Variants in DLGAP2 observed in about 807,000 individuals in gnomAD.
The protein encoded by DLGAP2 is disks large-associated protein 2.
A neutral mutation model predicts 100.3 loss-of-function variants in DLGAP2; 26 were observed. The observed-to-expected ratio is 0.26, with a 90% CI of 0.19 to 0.36. DLGAP2 has a LOEUF of 0.36. Among genes scored for constraint, DLGAP2 ranks in the 10% least tolerant of loss-of-function variants. The pLI is 1.00. For missense variants in DLGAP2, 1,858 were observed against 1,453.2 expected (o/e 1.28, Z -4.53); for synonymous variants, 886 against 630.1 (o/e 1.41, Z -6.08).
rs529979757 is a variant in DLGAP2 at position 1,089,565 on chromosome 8, G to A, written c.74-169286G>A. ...GGCACCCTCCCTCCTTGCCATGCAG[G>A]CTGAGAGCACTGAGGCCCACTGCTC... On this transcript the variant is annotated intron_variant, in intron 2 of 14. Transcript: ENST00000637795. Among the ~76,000 whole-genome samples, 38 of 152,324 alleles carry A rather than the reference G, an allele frequency of 2.5e-4. No homozygotes were observed. In the South Asian group the frequency reaches 4.1e-3, roughly 17 times the overall value.
chr8:1,198,109 CGTGTGTGCGTGTGT>C (rs1797793594), intron 2 of DLGAP2, among the ~76,000 whole-genome samples: 1 of 146,688 alleles, frequency 6.8e-6, no homozygotes, highest in African/African-American at 2.7e-5. Flanking sequence ...TGTGTGTGTA[CGTGTGTGCGTGTGT>C]GCGTGTGGGT....
At chr8:821,507 A>G (rs908194690) in intron 1 of DLGAP2, among the ~76,000 whole-genome samples, 2 of 152,220 alleles carry the variant, frequency 1.3e-5, no homozygotes, top group Non-Finnish European at 2.9e-5. Flanking sequence ...ATGAGCTGGG[A>G]ATTTTGTAAT....
intron 6 of DLGAP2, among the ~76,000 whole-genome samples, chr8:1,588,850 A>C (rs755622793): frequency 5.3e-5 from 8 of 150,838 alleles, no homozygotes; most frequent in Non-Finnish European, 8.8e-5. Flanking sequence ...TGACCCCGGG[A>C]GGTGGAGGTT....
At chr8:745,368 A>G (rs1820592168) in intron 1 of DLGAP2, among the ~76,000 whole-genome samples, 1 of 152,240 alleles carries the variant, frequency 6.6e-6, no homozygotes, top group Non-Finnish European at 1.5e-5. Flanking sequence ...GTCTGAAACA[A>G]AATGTTCTAG....
intron 6 of DLGAP2, among the ~76,000 whole-genome samples, chr8:1,619,255 G>C (rs1206801639): frequency 3.3e-5 from 5 of 152,204 alleles, no homozygotes; most frequent in African/African-American, 1.2e-4. Context: ...GGAGGTGAAA[G>C]TGAAAACTTT....
intron 2 of DLGAP2, among the ~76,000 whole-genome samples, chr8:1,207,074 C>T (rs532095697): frequency 2.4e-4 from 37 of 152,284 alleles, no homozygotes; most frequent in South Asian, 1.2e-3. Flanking sequence ...CACAGTGTTA[C>T]CTAAATCTGC....
At chr8:1,340,901 C>T (rs915650989) in intron 3 of DLGAP2, among the ~76,000 whole-genome samples, 132 of 152,274 alleles carry the variant, frequency 8.7e-4, no homozygotes, top group African/African-American at 3.0e-3. Flanking sequence ...ACTATGCAGA[C>T]ATAAAAAAGA....
intron 2 of DLGAP2, among the ~76,000 whole-genome samples, chr8:1,149,878 G>T (rs538942175): frequency 6.6e-6 from 1 of 152,174 alleles, no homozygotes; most frequent in Non-Finnish European, 1.5e-5. Flanking sequence ...AACTCAGACC[G>T]ATGGGTGTTA....
At chr8:1,523,883 T>C (rs1294981578) in intron 4 of DLGAP2, among the ~76,000 whole-genome samples, 1 of 152,196 alleles carries the variant, frequency 6.6e-6, no homozygotes, top group Non-Finnish European at 1.5e-5. Flanking sequence ...CCGCATAGAA[T>C]TTCACTTGTG....
chr8:1,621,171 G>A (rs1025418665), intron 6 of DLGAP2: 2 of 152,246 alleles, frequency 1.3e-5, no homozygotes, highest in African/African-American at 4.8e-5. Flanking sequence ...TTCTCCTCGT[G>A]TTCTGTTTGG....
chr8:1,507,552 C>A (rs1799971320), intron 4 of DLGAP2, among the ~76,000 whole-genome samples: 1 of 152,170 alleles, frequency 6.6e-6, no homozygotes, highest in Non-Finnish European at 1.5e-5. Flanking sequence ...CCGGCCTCGG[C>A]CAGCCCCCAG....
rs187744354 is a variant in DLGAP2 at position 1,690,951 on chromosome 8, C to G, written c.2705-584C>G. ...CCAGGAGGGAAGCCACATCTTCCTA[C>G]GTGCTACGACCTTCCTGTGAGGCCT... On this transcript the variant is annotated intron_variant, in intron 12 of 14. Coordinates refer to ENST00000637795, the MANE Select transcript of DLGAP2 (RefSeq NM_001346810.2). Among the ~76,000 whole-genome samples, 1,160 of 152,230 alleles carry G rather than the reference C, an allele frequency of 7.6e-3. 21 individuals are homozygous for G. The highest frequency in any genetic ancestry group is 0.026 in the African/African-American group (1,088 of 41,514).
chr8:1,511,725 G>A (rs1045411911), intron 4 of DLGAP2, among the ~76,000 whole-genome samples: 13 of 151,890 alleles, frequency 8.6e-5, no homozygotes, highest in South Asian at 4.2e-4. Context: ...GCTGTCTAGT[G>A]TAAGACAATC....
intron 2 of DLGAP2, among the ~76,000 whole-genome samples, chr8:1,061,844 G>T (rs1428965992): frequency 6.6e-6 from 1 of 152,024 alleles, no homozygotes; most frequent in Non-Finnish European, 1.5e-5. Flanking sequence ...ACGAGACGTC[G>T]CTGGGAGGAG....
At chr8:1,627,842 G>C (rs1168681111) in intron 7 of DLGAP2, among the ~76,000 whole-genome samples, 9 of 151,696 alleles carry the variant, frequency 5.9e-5, no homozygotes, top group African/African-American at 2.2e-4. Flanking sequence ...GGGATTAAGA[G>C]CCTGAGCCGA....
At chr8:1,323,211 C>G (rs1563082739) in intron 3 of DLGAP2, among the ~76,000 whole-genome samples, 1 of 151,948 alleles carries the variant, frequency 6.6e-6, no homozygotes, top group Admixed American at 6.6e-5. Flanking sequence ...TTGTATTTTA[C>G]TGGAGACAGG....
At chr8:1,116,580 G>A (rs1324633695) in intron 2 of DLGAP2, among the ~76,000 whole-genome samples, 2 of 152,086 alleles carry the variant, frequency 1.3e-5, no homozygotes, top group Non-Finnish European at 2.9e-5. Context: ...TGAATTGCCT[G>A]ACCCCAGGCA....
At chr8:1,166,310 G>GAT (rs1399678662) in intron 2 of DLGAP2, among the ~76,000 whole-genome samples, 9 of 152,264 alleles carry the variant, frequency 5.9e-5, no homozygotes, top group African/African-American at 2.2e-4. Flanking sequence ...CCTTATTCCC[G>GAT]AGGCCCCGGC....
In DLGAP2 at chr8:854,309, G is replaced by A. The variant is rs182064292; in HGVS notation, c.19-53603G>A. 3.2e-3 allele frequency among the ~76,000 whole-genome samples: 480 copies of A among 152,236 alleles called. 11 individuals are homozygous for A. The highest frequency in any genetic ancestry group is 3.7e-4 in the Non-Finnish European group (25 of 68,024). ...CCCAGCAAGGAGGAGCTGCTGAGTG[G>A]GGGCCTTCAGTGGGTATCCTTATCC... On this transcript the variant is annotated intron_variant, in intron 1 of 14. Coordinates refer to ENST00000637795, the MANE Select transcript of DLGAP2 (RefSeq NM_001346810.2).
Sources: gnomAD v4.1 joint callset for allele counts (sites outside exome capture counted in the v4.1 genomes callset) on GRCh38, gnomAD v4.1.1 for gene constraint, MANE v1.5 for transcripts, NCBI Gene and HGNC (gene_info 2026-07-23, HGNC 2026-07-21) for gene names.